The following CCDC191 variants were observed in gnomAD, a reference collection of about 807,000 sequenced individuals.
CCDC191 encodes the protein coiled-coil domain-containing protein 191.
Under a neutral mutation model 114.0 loss-of-function variants are expected in CCDC191, and 99 were observed. The observed-to-expected ratio is 0.87, with a 90% CI of 0.74 to 1.03. The LOEUF (loss-of-function observed/expected upper bound fraction) is 1.03, where lower values mean the gene tolerates loss of function less well. Ranked by LOEUF, CCDC191 falls within the 50% of genes least tolerant of loss-of-function variation. CCDC191 has a pLI of 0.00. For missense variants in CCDC191, 973 were observed against 1,087.0 expected, an observed-to-expected ratio of 0.90 and a Z score of 1.47; for synonymous variants, 351 against 376.0, an observed-to-expected ratio of 0.93 and a Z score of 0.77.
In CCDC191 at chr3:114,010,890, T is replaced by A. The variant is rs749564915; in HGVS notation, c.1295A>T (p.Lys432Met). ...LALTKEETRK[K>M]MDALLQAASL... ...TGCTGCCTGCAGCAGTGCATCCATC[T>A]TCTTCCTAGTTTCCTCTTTTGTGAG... is the stretch of plus-strand genomic sequence containing the variant. Residue 432 changes from lysine (K) to methionine (M), a missense_variant, in exon 9 of 17, where the codon AAG (lysine) becomes ATG (methionine). Coordinates refer to ENST00000295878, the MANE Select transcript of CCDC191 (RefSeq NM_020817.2). 1.2e-5 allele frequency: 19 copies of A among 1,614,146 alleles called. No homozygotes were observed. The East Asian group carries it at 4.2e-4, about 36-fold the overall frequency.
At chr3:114,027,774 G>C (rs907514961) in intron 7 of CCDC191, among the ~76,000 whole-genome samples, 5 of 152,112 alleles carry the variant, frequency 3.3e-5, no homozygotes, top group African/African-American at 9.7e-5. Context: ...ACATTCTGAG[G>C]GTGCTGACAA....
intron 11 of CCDC191, chr3:114,004,227 G>A (rs1227341609): frequency 2.0e-6 from 2 of 978,208 alleles, no homozygotes; most frequent in African/African-American, 3.5e-5. Context: ...AACTTATCTT[G>A]GATTACTGTA....
chr3:114,054,667 C>T (rs1039144599), intron 1 of CCDC191, among the ~76,000 whole-genome samples: 4 of 151,860 alleles, frequency 2.6e-5, no homozygotes, highest in Non-Finnish European at 5.9e-5. Flanking sequence ...ACAACAACAA[C>T]AACAAAAACT....
At position 114,004,682 on chromosome 3, in the gene CCDC191, T is replaced by C. The variant is rs1433250837; in HGVS notation, c.1933A>G (p.Arg645Gly). The change falls in exon 11 of 17, where the codon AGA becomes GGA. Residue 645 changes from arginine to glycine, a missense_variant. Transcript: ENST00000295878. ...GTCATCAATTGCTTTGGTTTCCTTC[T>C]GAGTCCAGAAAGAGAATTTCGGGAG... ...SDSRNSLSGL[R>G]RKPKQLMTPH... 3.1e-6 allele frequency: 5 copies of C among 1,612,704 alleles called. No individual in the cohort carries two copies. In the South Asian group the frequency reaches 3.3e-5, roughly 11 times the overall value.
chr3:114,023,866 T>C (rs1319248366), intron 7 of CCDC191, among the ~76,000 whole-genome samples: 3 of 151,710 alleles, frequency 2.0e-5, no homozygotes, highest in Non-Finnish European at 4.4e-5. Flanking sequence ...GGGATCTAAT[T>C]AAACTAAAGA....
At position 114,005,890 on chromosome 3, in the gene CCDC191, C is replaced by G. The variant is rs1293415720; in HGVS notation, c.1486G>C (p.Gly496Arg). The change falls in exon 10 of 17, where the codon GGA becomes CGA. Residue 496 changes from glycine (G) to arginine (R), a missense_variant. Gly to Arg is a moderately radical substitution (Grantham distance 125). Coordinates refer to ENST00000295878, the MANE Select transcript of CCDC191 (RefSeq NM_020817.2). ...SSGCMLSPPL[G>R]RTTTGNLQGS... is the part of the protein sequence containing the mutation. The stretch of plus-strand genomic sequence containing the variant: ...TGCAAGTTGCCTGTTGTTGTTCTTC[C>G]CAGGGGAGGACTGAGCATACAACCA... The G allele has an allele frequency of 6.2e-7, 1 of 1,614,026 alleles. No homozygotes were observed. The highest frequency in any genetic ancestry group is 1.7e-5 in the Admixed American group (1 of 60,004).
At chr3:114,043,871 G>A (rs1174661431) in intron 3 of CCDC191, among the ~76,000 whole-genome samples, 1 of 152,074 alleles carries the variant, frequency 6.6e-6, no homozygotes, top group East Asian at 1.9e-4. Context: ...CTAATGGACT[G>A]GATATAGGAC....
In CCDC191 at chr3:114,019,376, T is replaced by C. The variant is rs535999760; in HGVS notation, c.973-508A>G. Among the ~76,000 whole-genome samples, 24 of 152,308 alleles carry C rather than the reference T, an allele frequency of 1.6e-4. 1 individual carries two copies. The highest frequency in any genetic ancestry group is 4.3e-4 in the African/African-American group (18 of 41,584). On this transcript the variant is annotated intron_variant, in intron 7 of 16. Transcript: ENST00000295878. ...CTATAAACAACAAAATCAGCTGGGC[T>C]ACTACCACTGACCACTTTAGGGCTT...
At chr3:113,983,413 T>C (rs1394998655) in intron 13 of CCDC191, among the ~76,000 whole-genome samples, 1 of 152,164 alleles carries the variant, frequency 6.6e-6, no homozygotes, top group Admixed American at 6.5e-5. Flanking sequence ...CAGGCTTATA[T>C]ACCCAAGCAC....
intron 7 of CCDC191, among the ~76,000 whole-genome samples, chr3:114,025,712 G>A (rs1372658968): frequency 6.6e-6 from 1 of 152,138 alleles, no homozygotes; most frequent in Non-Finnish European, 1.5e-5. Context: ...TGGAGAAAAG[G>A]CAGACCTACG....
intron 11 of CCDC191, 68 bp from the exon 12 acceptor site, chr3:114,002,606 A>G: frequency 7.3e-7 from 1 of 1,372,894 alleles, no homozygotes; most frequent in Non-Finnish European, 1.0e-6. Context: ...TGCAAGAGAA[A>G]TGTCTCCATT....
At chr3:114,045,411 AC>A (rs2107753645) in intron 3 of CCDC191, among the ~76,000 whole-genome samples, 1 of 152,078 alleles carries the variant, frequency 6.6e-6, no homozygotes, top group African/African-American at 2.4e-5. Context: ...TCGCTCTGTC[AC>A]CCAGGCTGGA....
At chr3:114,036,499 G>T (rs1577460613) in intron 5 of CCDC191, 109 bp downstream of exon 5, 1 of 693,464 alleles carries the variant, frequency 1.4e-6, no homozygotes, top group East Asian at 3.0e-5. Flanking sequence ...CCAAACCACA[G>T]ATGGCACCCT....
intron 2 of CCDC191, among the ~76,000 whole-genome samples, chr3:114,047,507 T>C (rs2076645838): frequency 6.6e-6 from 1 of 151,624 alleles, no homozygotes; most frequent in African/African-American, 2.4e-5. Flanking sequence ...AGTTAAAAAA[T>C]AAAAAATTAG....
chr3:114,007,919 C>A (rs910758553), intron 9 of CCDC191, among the ~76,000 whole-genome samples: 4 of 151,352 alleles, frequency 2.6e-5, no homozygotes, highest in African/African-American at 9.7e-5. Flanking sequence ...TCTATTGTAG[C>A]CCTCTATTAT....
rs1480819206 is a variant in CCDC191, at chr3:114,005,507, C to T, written c.1868+1G>A. On this transcript the variant is annotated splice_donor_variant, in intron 10 of 16. Coordinates refer to ENST00000295878, the MANE Select transcript of CCDC191 (RefSeq NM_020817.2). LOFTEE classifies it high-confidence loss of function. ...AGCGAGTTCTGATAGAACAGACATA[C>T]TTCACAAGCATCTGGCAGGTTCTTG... The T allele has an allele frequency of 6.2e-7, 1 of 1,603,534 alleles. No individual in the cohort carries two copies. Among genetic ancestry groups the T allele is most frequent in the Admixed American group, 1.7e-5 (1 of 57,832 alleles).
chr3:113,967,570 G>T (rs1940338421), intron 16 of CCDC191, among the ~76,000 whole-genome samples: 1 of 152,120 alleles, frequency 6.6e-6, no homozygotes, highest in African/African-American at 2.4e-5. Flanking sequence ...TTCATGTAAT[G>T]TGTAAAGATC....
intron 9 of CCDC191, among the ~76,000 whole-genome samples, chr3:114,010,075 T>C (rs2076042900): frequency 6.6e-6 from 1 of 152,084 alleles, no homozygotes; most frequent in African/African-American, 2.4e-5. Context: ...GTGTATGTAA[T>C]GACAGAAAAT....
At chr3:113,996,361 A>T (rs941861838) in intron 13 of CCDC191, among the ~76,000 whole-genome samples, 1 of 152,212 alleles carries the variant, frequency 6.6e-6, no homozygotes, top group Non-Finnish European at 1.5e-5. Context: ...TTTATTAAAT[A>T]GGGAATCCTT....
Sources: allele counts gnomAD v4.1 joint callset (sites outside exome capture counted in the v4.1 genomes callset), GRCh38; gene constraint gnomAD v4.1.1; transcripts MANE v1.5; gene names NCBI Gene and HGNC (gene_info 2026-07-23, HGNC 2026-07-21).